The following CCSER1 variants were observed in gnomAD, a reference collection of about 807,000 sequenced individuals.
CCSER1 encodes serine-rich coiled-coil domain-containing protein 1.
In CCSER1, 41 loss-of-function variants were observed where a neutral mutation model predicts 82.0. The ratio of observed to expected loss-of-function variants is 0.50; its 90% CI spans 0.39 to 0.65. The LOEUF is 0.65. CCSER1 is among the 30% of genes least tolerant of loss of function. CCSER1 has a pLI of 0.00. For missense variants in CCSER1, 1,119 were observed against 1,064.2 expected, an observed-to-expected ratio of 1.05 and a Z score of -0.72; for synonymous variants, 414 against 383.9, an observed-to-expected ratio of 1.08 and a Z score of -0.92.
intron 9 of CCSER1, among the ~76,000 whole-genome samples, chr4:91,035,433 A>G (rs530046817): frequency 2.6e-5 from 4 of 152,316 alleles, no homozygotes; most frequent in African/African-American, 9.6e-5. Flanking sequence ...GTAAATGCAC[A>G]GTGTAGTTGA....
At chr4:90,551,473 C>T (rs1355056822) in intron 5 of CCSER1, among the ~76,000 whole-genome samples, 1 of 151,782 alleles carries the variant, frequency 6.6e-6, no homozygotes, top group Non-Finnish European at 1.5e-5. Flanking sequence ...CCCAGCCTTC[C>T]CCTTCCCATC....
chr4:91,571,776 G>A (rs961597152), intron 10 of CCSER1, among the ~76,000 whole-genome samples: 1 of 152,140 alleles, frequency 6.6e-6, no homozygotes, highest in African/African-American at 2.4e-5. Context: ...CAGTTGCTCA[G>A]TGCAATCAGC....
chr4:90,259,166 G>A (rs889316561), intron 1 of CCSER1, among the ~76,000 whole-genome samples: 3 of 152,048 alleles, frequency 2.0e-5, no homozygotes, highest in Non-Finnish European at 1.5e-5. Flanking sequence ...GTAGTGTTTT[G>A]TAGTTTTCCT....
At chr4:90,360,704 A>G (rs992399741) in intron 3 of CCSER1, among the ~76,000 whole-genome samples, 5 of 152,196 alleles carry the variant, frequency 3.3e-5, no homozygotes, top group Admixed American at 1.3e-4. Context: ...TTCTGCAGAA[A>G]AGAGTTGTTC....
intron 1 of CCSER1, among the ~76,000 whole-genome samples, chr4:90,152,881 T>C (rs573589206): frequency 6.6e-6 from 1 of 151,398 alleles, no homozygotes; most frequent in Non-Finnish European, 1.5e-5. Flanking sequence ...TTTTTTTTTT[T>C]AATTTTATTT....
chr4:91,221,265 A>G (rs1438224544), intron 10 of CCSER1, among the ~76,000 whole-genome samples: 1 of 152,138 alleles, frequency 6.6e-6, no homozygotes, highest in Non-Finnish European at 1.5e-5. Flanking sequence ...AAATGCAGTC[A>G]ATTTATTTGA....
At chr4:91,379,590 G>T (rs951280421) in intron 10 of CCSER1, among the ~76,000 whole-genome samples, 13 of 152,258 alleles carry the variant, frequency 8.5e-5, no homozygotes, top group African/African-American at 2.4e-4. Context: ...TGTGGGATTG[G>T]TGGTGATATC....
At chr4:90,579,741 T>G (rs1201330702) in intron 5 of CCSER1, among the ~76,000 whole-genome samples, 1 of 152,166 alleles carries the variant, frequency 6.6e-6, no homozygotes, top group Non-Finnish European at 1.5e-5. Flanking sequence ...ACTCAGATAT[T>G]GAGGAATAGT....
chr4:90,700,070 G>T (rs1369560175), intron 6 of CCSER1, among the ~76,000 whole-genome samples: 2 of 151,630 alleles, frequency 1.3e-5, no homozygotes, highest in Non-Finnish European at 2.9e-5. Context: ...CATGTGCCAT[G>T]TTGGTGTGCT....
intron 10 of CCSER1, among the ~76,000 whole-genome samples, chr4:91,569,708 T>TC (rs1203617102): frequency 6.6e-6 from 1 of 151,688 alleles, no homozygotes; most frequent in African/African-American, 2.4e-5. Context: ...TCCCACCAGG[T>TC]CCCCCCCAAA....
intron 10 of CCSER1, among the ~76,000 whole-genome samples, chr4:91,480,999 T>C (rs1757876359): frequency 6.6e-6 from 1 of 151,630 alleles, no homozygotes; most frequent in Non-Finnish European, 1.5e-5. Flanking sequence ...TTAGCCTTCA[T>C]CTCTGATTTT....
intron 7 of CCSER1, among the ~76,000 whole-genome samples, chr4:90,757,933 C>CTTTTTTTTTTTT (rs200053849): frequency 4.4e-5 from 6 of 136,492 alleles, no homozygotes; most frequent in Admixed American, 7.4e-5. Flanking sequence ...GTTTCCTTTT[C>CTTTTTTTTTTTT]TTTTTTTTTT....
chr4:91,197,103 A>G (rs1735499352), intron 10 of CCSER1, among the ~76,000 whole-genome samples: 1 of 152,196 alleles, frequency 6.6e-6, no homozygotes, highest in Admixed American at 6.5e-5. Context: ...TGAAAGAACT[A>G]CATTGCCAAG....
At chr4:90,459,080 T>C (rs1329644057) in intron 4 of CCSER1, among the ~76,000 whole-genome samples, 3 of 152,206 alleles carry the variant, frequency 2.0e-5, no homozygotes, top group African/African-American at 4.8e-5. Context: ...TATGTGTATC[T>C]ACATATATAG....
chr4:91,209,698 A>C (rs1736639788), intron 10 of CCSER1, among the ~76,000 whole-genome samples: 1 of 151,606 alleles, frequency 6.6e-6, no homozygotes, highest in Admixed American at 6.6e-5. Context: ...CTCTCCCATA[A>C]CTTCGTATCA....
intron 10 of CCSER1, among the ~76,000 whole-genome samples, chr4:91,326,465 T>C (rs1417709457): frequency 6.6e-6 from 1 of 152,216 alleles, no homozygotes; most frequent in Non-Finnish European, 1.5e-5. Context: ...TCTGCCTTCA[T>C]GATCCAATCA....
chr4:90,384,900 T>G (rs1394183088), intron 3 of CCSER1, among the ~76,000 whole-genome samples: 3 of 152,180 alleles, frequency 2.0e-5, no homozygotes, highest in African/African-American at 7.2e-5. Context: ...ACCATTCCTC[T>G]GAGTCTCCAG....
chr4:91,083,191 G>A (rs1722980596), intron 9 of CCSER1, among the ~76,000 whole-genome samples: 1 of 152,172 alleles, frequency 6.6e-6, no homozygotes. Context: ...ACTGGATTAA[G>A]AAAATGTGGC....
chr4:90,208,341 A>T (rs1739307654), intron 1 of CCSER1, among the ~76,000 whole-genome samples: 1 of 152,148 alleles, frequency 6.6e-6, no homozygotes, highest in Non-Finnish European at 1.5e-5. Context: ...GTAATGGCAG[A>T]TGCCCCTCCC....
Sources: allele counts gnomAD v4.1 joint callset (sites outside exome capture counted in the v4.1 genomes callset), GRCh38; gene constraint gnomAD v4.1.1; transcripts MANE v1.5; gene names NCBI Gene and HGNC (gene_info 2026-07-23, HGNC 2026-07-21).